The following DHRS7B variants were observed in gnomAD, a reference collection of about 807,000 sequenced individuals.
The protein encoded by DHRS7B is peroxisomal reductase activating PPAR-gamma.
A neutral mutation model predicts 26.4 loss-of-function variants in DHRS7B; 24 were observed. The observed-to-expected ratio is 0.91, with a 90% CI of 0.66 to 1.28. The LOEUF (loss-of-function observed/expected upper bound fraction) is 1.28, where lower values mean the gene tolerates loss of function less well. Ranked by LOEUF, DHRS7B falls within the 50% of genes most tolerant of loss-of-function variation. The probability of loss-of-function intolerance (pLI) is 0.00; values close to 1 mark genes in which losing one functional copy is unlikely to be tolerated. For synonymous variants in DHRS7B, 142 were observed against 166.4 expected (o/e 0.85, Z 1.13); for missense variants, 368 against 419.4 (o/e 0.88, Z 1.07).
At chr17:21,170,781 G>A (rs557324443) in intron 1 of DHRS7B, among the ~76,000 whole-genome samples, 3 of 152,180 alleles carry the variant, frequency 2.0e-5, no homozygotes, top group Non-Finnish European at 2.9e-5. Flanking sequence ...TGCATAGATG[G>A]ATGTGTGTTG....
chr17:21,159,472 G>A (rs1407580471), intron 1 of DHRS7B, among the ~76,000 whole-genome samples: 1 of 151,474 alleles, frequency 6.6e-6, no homozygotes, highest in African/African-American at 2.4e-5. Context: ...GGTCAGGATG[G>A]TCTCAAGCTC....
chr17:21,137,170 T>G (rs949736561), intron 1 of DHRS7B, among the ~76,000 whole-genome samples: 19 of 151,674 alleles, frequency 1.3e-4, no homozygotes, highest in Admixed American at 1.2e-3. Context: ...AGGGTTTCAC[T>G]ATTCTGGCCA....
chr17:21,151,378 T>G (rs971359725), intron 1 of DHRS7B, among the ~76,000 whole-genome samples: 2 of 151,764 alleles, frequency 1.3e-5, no homozygotes, highest in African/African-American at 4.8e-5. Context: ...GCTGGGCGTG[T>G]TGGCAGGCAC....
At chr17:21,142,809 T>A (rs1456032310) in intron 1 of DHRS7B, among the ~76,000 whole-genome samples, 2 of 152,144 alleles carry the variant, frequency 1.3e-5, no homozygotes, top group Non-Finnish European at 2.9e-5. Flanking sequence ...TGCATCTATC[T>A]CTGTGAGCAA....
At chr17:21,143,503 G>A (rs1046929481) in intron 1 of DHRS7B, among the ~76,000 whole-genome samples, 3 of 152,176 alleles carry the variant, frequency 2.0e-5, no homozygotes, top group Non-Finnish European at 4.4e-5. Context: ...TGTGAAGTTG[G>A]CATATATAGT....
At chr17:21,168,917 C>T (rs909011945) in intron 1 of DHRS7B, 3 of 985,344 alleles carry the variant, frequency 3.0e-6, no homozygotes, top group African/African-American at 1.7e-5. Context: ...CTCTTTTCTT[C>T]ATGTCATGGA....
intron 1 of DHRS7B, among the ~76,000 whole-genome samples, chr17:21,150,128 A>AAC (rs1567619821): frequency 6.6e-5 from 10 of 151,168 alleles, no homozygotes; most frequent in Non-Finnish European, 1.0e-4. Flanking sequence ...AAAAAAAAAA[A>AAC]AAAACTAAGG....
At chr17:21,150,377 G>A (rs1391722636) in intron 1 of DHRS7B, among the ~76,000 whole-genome samples, 1 of 152,214 alleles carries the variant, frequency 6.6e-6, no homozygotes, top group African/African-American at 2.4e-5. Context: ...AGCACTTTGG[G>A]AGGCTGAGGC....
At chr17:21,184,313 C>A in intron 4 of DHRS7B, 58 bp from the exon 5 acceptor site, 1 of 1,467,122 alleles carries the variant, frequency 6.8e-7, no homozygotes, top group Non-Finnish European at 9.4e-7. Context: ...CTTCCATCAG[C>A]ATCGGGTGCA....
intron 1 of DHRS7B, among the ~76,000 whole-genome samples, chr17:21,134,379 G>A (rs894452613): frequency 3.3e-5 from 5 of 152,140 alleles, no homozygotes; most frequent in African/African-American, 1.2e-4. Context: ...GCCATGATTT[G>A]TGTCATCAAA....
At chr17:21,137,995 GT>G (rs1973386751) in intron 1 of DHRS7B, among the ~76,000 whole-genome samples, 1 of 148,358 alleles carries the variant, frequency 6.7e-6, no homozygotes, top group South Asian at 2.1e-4. Flanking sequence ...GCCTCCCATA[GT>G]TCTGGGATTA....
rs369437142 is a variant in DHRS7B at position 21,185,638 on chromosome 17, A to G, written c.619+1175A>G. Among the ~76,000 whole-genome samples the G allele has an allele frequency of 1.3e-4, 20 of 152,316 alleles. No individual in the cohort carries two copies. In the East Asian group the frequency reaches 3.1e-3, roughly 23 times the overall value. On this transcript the variant is annotated intron_variant, in intron 5 of 6. Transcript: ENST00000395511. ...AAAACAATTATATATAGAATCATCA[A>G]TGATAAAGCAAATGAGTTAAAATGT... is the stretch of plus-strand genomic sequence containing the variant.
intron 1 of DHRS7B, among the ~76,000 whole-genome samples, chr17:21,148,256 T>C (rs1973684731): frequency 6.6e-6 from 1 of 151,714 alleles, no homozygotes; most frequent in Non-Finnish European, 1.5e-5. Flanking sequence ...AATAGTAGTT[T>C]CAAGGAAACT....
intron 3 of DHRS7B, among the ~76,000 whole-genome samples, chr17:21,181,453 G>T (rs1215021304): frequency 6.6e-6 from 1 of 152,160 alleles, no homozygotes; most frequent in African/African-American, 2.4e-5. Context: ...AGTTAGAGGG[G>T]CTAGCATCTG....
chr17:21,133,422 C>T (rs1973280819), intron 1 of DHRS7B, among the ~76,000 whole-genome samples: 1 of 152,084 alleles, frequency 6.6e-6, no homozygotes, highest in Admixed American at 6.5e-5. Context: ...TGGGGCCCCC[C>T]TTCAGGGGCT....
At chr17:21,143,487 C>T (rs1371192936) in intron 1 of DHRS7B, among the ~76,000 whole-genome samples, 1 of 152,172 alleles carries the variant, frequency 6.6e-6, no homozygotes, top group African/African-American at 2.4e-5. Context: ...AAATGTACTT[C>T]AGATTTGTGA....
intron 5 of DHRS7B, among the ~76,000 whole-genome samples, chr17:21,184,904 G>A (rs1974598158): frequency 6.6e-6 from 1 of 152,168 alleles, no homozygotes; most frequent in Non-Finnish European, 1.5e-5. Flanking sequence ...TGCAAAAATG[G>A]AATGGCATTA....
intron 1 of DHRS7B, among the ~76,000 whole-genome samples, chr17:21,166,835 A>G (rs1018619145): frequency 5.9e-5 from 9 of 152,162 alleles, no homozygotes; most frequent in Non-Finnish European, 1.2e-4. Context: ...TGTGTGTAAC[A>G]TGGCAAATTA....
At chr17:21,150,105 T>TAAAAAAAAAA (rs61516968) in intron 1 of DHRS7B, among the ~76,000 whole-genome samples, 2 of 50,074 alleles carry the variant, frequency 4.0e-5, no homozygotes, top group African/African-American at 1.5e-4. Context: ...CATCTCTATT[T>TAAAAAAAAAA]AAAAAAAAAA....
Sources: gnomAD v4.1 joint callset for allele counts (sites outside exome capture counted in the v4.1 genomes callset) on GRCh38, gnomAD v4.1.1 for gene constraint, MANE v1.5 for transcripts, NCBI Gene and HGNC (gene_info 2026-07-23, HGNC 2026-07-21) for gene names.